The following HHAT variants were observed in gnomAD, a reference collection of about 807,000 sequenced individuals.
HHAT encodes protein-cysteine N-palmitoyltransferase HHAT.
In HHAT, 47 loss-of-function variants were observed where a neutral mutation model predicts 70.8. That is an observed-to-expected ratio of 0.66 (90% CI 0.53 to 0.85). The LOEUF is 0.85. Among genes scored for constraint, HHAT ranks in the 40% least tolerant of loss-of-function variants. The pLI is 0.00. For synonymous variants in HHAT, 228 were observed against 247.6 expected, an observed-to-expected ratio of 0.92 and a Z score of 0.74; for missense variants, 609 against 604.8, an observed-to-expected ratio of 1.01 and a Z score of -0.07.
chr1:210,469,349 G>A (rs1265863768), intron 8 of HHAT, among the ~76,000 whole-genome samples: 1 of 152,132 alleles, frequency 6.6e-6, no homozygotes, highest in Non-Finnish European at 1.5e-5. Context: ...ACTAGATGAT[G>A]CCTGTGTTCC....
At chr1:210,540,702 G>A (rs1021970595) in intron 9 of HHAT, among the ~76,000 whole-genome samples, 3 of 151,562 alleles carry the variant, frequency 2.0e-5, no homozygotes, top group Admixed American at 6.6e-5. Flanking sequence ...GCTATTCACA[G>A]GTGCAATAAT....
At chr1:210,374,113 A>C (rs1030455745) in intron 3 of HHAT, 2 of 146,896 alleles carry the variant, frequency 1.4e-5, no homozygotes, top group Non-Finnish European at 3.1e-5. Flanking sequence ...AAGTTGCACC[A>C]TAATGTTTTC....
rs137916721 is a variant in HHAT, at chr1:210,389,932, C to A, written c.273+2351C>A. On this transcript the variant is annotated intron_variant, in intron 4 of 11. Coordinates refer to ENST00000261458, the MANE Select transcript of HHAT (RefSeq NM_018194.6). ...GAGGGGACAAACATTCAAACCACAG[C>A]GGTTGTCCTCTGTAAAATAGGATCA... 3.3e-5 allele frequency among the ~76,000 whole-genome samples: 5 copies of A among 152,206 alleles called. No individual in the cohort carries two copies. In the East Asian group the frequency reaches 7.7e-4, roughly 23 times the overall value.
intron 7 of HHAT, among the ~76,000 whole-genome samples, chr1:210,423,330 T>C (rs888512396): frequency 2.6e-5 from 4 of 152,226 alleles, no homozygotes; most frequent in Non-Finnish European, 4.4e-5. Context: ...ATTAGTGATA[T>C]TGAGCTTTTC....
At chr1:210,525,328 A>G (rs2095229494) in intron 9 of HHAT, among the ~76,000 whole-genome samples, 1 of 152,130 alleles carries the variant, frequency 6.6e-6, no homozygotes, top group South Asian at 2.1e-4. Flanking sequence ...CTTGTCAAAA[A>G]TTAAATCCCC....
rs3033354 is a variant in HHAT, at chr1:210,334,178, ATTTTTT to A, written c.-44+5089_-44+5094del. ...TACTTGCTGGCCACTTTAGCGTGTC[ATTTTTT>A]TTTTTTTTTTTTTTGAGAAAGGGTC... On this transcript the variant is annotated intron_variant, in intron 1 of 11. Coordinates refer to ENST00000261458, the MANE Select transcript of HHAT (RefSeq NM_018194.6). Among the ~76,000 whole-genome samples, 14 of 99,956 alleles carry A rather than the reference ATTTTTT, an allele frequency of 1.4e-4. 1 individual carries two copies. Among genetic ancestry groups the A allele is most frequent in the African/African-American group, 4.8e-4 (13 of 27,320 alleles). 65.6% of individuals were successfully genotyped at this position (99,956 alleles called of 152,430 possible). A position where few individuals can be genotyped will look rare whatever the true frequency, so the allele number is the denominator to read the frequency against.
intron 3 of HHAT, among the ~76,000 whole-genome samples, chr1:210,371,017 C>T (rs1285650078): frequency 6.6e-6 from 1 of 152,144 alleles, no homozygotes; most frequent in Non-Finnish European, 1.5e-5. Context: ...CGCAAATTTA[C>T]ATGTCAGGAA....
intron 11 of HHAT, among the ~76,000 whole-genome samples, chr1:210,641,060 A>G (rs186900519): frequency 6.6e-6 from 1 of 152,328 alleles, no homozygotes; most frequent in African/African-American, 2.4e-5. Flanking sequence ...AAGGAACCTT[A>G]CCTTGTTCTT....
intron 3 of HHAT, among the ~76,000 whole-genome samples, chr1:210,386,471 C>T (rs2091082479): frequency 6.6e-6 from 1 of 151,496 alleles, no homozygotes; most frequent in Admixed American, 6.6e-5. Flanking sequence ...ATCTCCTGAC[C>T]TCGTGATCCG....
intron 2 of HHAT, among the ~76,000 whole-genome samples, chr1:210,349,465 A>T (rs963263381): frequency 6.6e-6 from 1 of 152,032 alleles, no homozygotes; most frequent in Admixed American, 6.6e-5. Flanking sequence ...TGTTGGAGAT[A>T]AATCATCATC....
chr1:210,585,034 C>T lies in HHAT; in HGVS notation c.1044-2864C>T, dbSNP rs115236299. On this transcript the variant is annotated intron_variant, in intron 9 of 11. Coordinates refer to ENST00000261458, the MANE Select transcript of HHAT (RefSeq NM_018194.6). ...AAAGGAAAGTATTGGCTTTGCTTTA[C>T]TTATTTCTGAAACTGCTACATTCTC... 4.9e-3 allele frequency among the ~76,000 whole-genome samples: 739 copies of T among 152,304 alleles called. 11 individuals carry two copies. The highest frequency in any genetic ancestry group is 0.017 in the African/African-American group (687 of 41,546).
intron 8 of HHAT, among the ~76,000 whole-genome samples, chr1:210,473,214 A>G (rs895488330): frequency 1.3e-5 from 2 of 152,202 alleles, no homozygotes; most frequent in African/African-American, 4.8e-5. Flanking sequence ...GCTATCTGTC[A>G]TGTAATGCTA....
chr1:210,530,691 C>T lies in HHAT; in HGVS notation c.1043+17503C>T, dbSNP rs2095305762. Among the ~76,000 whole-genome samples the T allele has an allele frequency of 4.6e-5, 7 of 152,226 alleles. No homozygotes were observed. The South Asian group carries it at 1.5e-3, about 32-fold the overall frequency. On this transcript the variant is annotated intron_variant, in intron 9 of 11. Coordinates refer to ENST00000261458, the MANE Select transcript of HHAT (RefSeq NM_018194.6). ...AGATAGATGGCTCTGGATCCTTGTT[C>T]TGGGTTGTTCTTTTACACAAGAGCC...
chr1:210,512,601 G>A (rs2094975466), intron 8 of HHAT, among the ~76,000 whole-genome samples: 1 of 151,572 alleles, frequency 6.6e-6, no homozygotes, highest in Non-Finnish European at 1.5e-5. Context: ...TAACCCAGGG[G>A]GTTGAGGCTG....
chr1:210,464,404 G>A (rs1481103972), intron 7 of HHAT, 101 bp from the exon 8 acceptor site: 3 of 1,110,454 alleles, frequency 2.7e-6, no homozygotes, highest in Non-Finnish European at 4.1e-6. Context: ...AGGGGTGTGG[G>A]GAGAAGCGGG....
At chr1:210,369,037 C>A (rs1203459876) in intron 3 of HHAT, among the ~76,000 whole-genome samples, 1 of 151,762 alleles carries the variant, frequency 6.6e-6, no homozygotes, top group Non-Finnish European at 1.5e-5. Context: ...AAGCCTGCGC[C>A]ATTGCACTCC....
At chr1:210,447,500 C>T (rs1024915451) in intron 7 of HHAT, among the ~76,000 whole-genome samples, 5 of 152,088 alleles carry the variant, frequency 3.3e-5, no homozygotes, top group South Asian at 2.1e-4. Flanking sequence ...AAGATTTTGC[C>T]GATCAGAAAG....
chr1:210,526,161 G>C (rs986814896), intron 9 of HHAT, among the ~76,000 whole-genome samples: 13 of 152,120 alleles, frequency 8.5e-5, no homozygotes, highest in African/African-American at 2.4e-4. Context: ...AGAGGTTCTG[G>C]GGTGGAGTCC....
At chr1:210,654,156 GGAATAGTGTGACAGCA>G (rs1558363919) in intron 11 of HHAT, among the ~76,000 whole-genome samples, 1 of 84,818 alleles carries the variant, frequency 1.2e-5, no homozygotes, top group Admixed American at 1.3e-4. Context: ...GTGTGACAGT[GGAATAGTGTGACAGCA>G]GAATAGTGTG....
Sources: allele counts gnomAD v4.1 joint callset (sites outside exome capture counted in the v4.1 genomes callset), GRCh38; gene constraint gnomAD v4.1.1; transcripts MANE v1.5; gene names NCBI Gene and HGNC (gene_info 2026-07-23, HGNC 2026-07-21).